Variants in NDST4 observed in about 807,000 individuals in gnomAD.
NDST4 encodes the protein N-heparan sulfate sulfotransferase 4.
In NDST4, 63 loss-of-function variants were observed where a neutral mutation model predicts 100.8. That is an observed-to-expected ratio of 0.62 (90% CI 0.51 to 0.77). NDST4 has a LOEUF of 0.77. Among genes scored for constraint, NDST4 ranks in the 30% least tolerant of loss-of-function variants. The pLI, the probability that NDST4 is intolerant of heterozygous loss-of-function variation, is 0.00. For missense variants in NDST4, 943 were observed against 1,018.4 expected (o/e 0.93, Z 1.01); for synonymous variants, 377 against 361.8 (o/e 1.04, Z -0.48).
intron 2 of NDST4, among the ~76,000 whole-genome samples, chr4:115,036,262 G>A (rs184748197): frequency 5.3e-5 from 8 of 151,344 alleles, no homozygotes; most frequent in Admixed American, 4.6e-4. Flanking sequence ...ATTTACATCA[G>A]TTTAAAAGAG....
At chr4:115,028,297 C>G (rs1482773922) in intron 2 of NDST4, among the ~76,000 whole-genome samples, 1 of 152,076 alleles carries the variant, frequency 6.6e-6, no homozygotes, top group Non-Finnish European at 1.5e-5. Flanking sequence ...ACAGGATAAA[C>G]ACTCTTAACA....
chr4:114,950,013 T>C (rs1725954862), intron 4 of NDST4, among the ~76,000 whole-genome samples: 1 of 152,020 alleles, frequency 6.6e-6, no homozygotes. Context: ...AGGAGAGCAA[T>C]AAATTATGAT....
At chr4:114,935,648 G>A (rs1725613082) in intron 5 of NDST4, among the ~76,000 whole-genome samples, 1 of 152,086 alleles carries the variant, frequency 6.6e-6, no homozygotes, top group Non-Finnish European at 1.5e-5. Context: ...ACCCAAAGAT[G>A]GAAATTCTCC....
At chr4:114,852,898 G>T in intron 7 of NDST4, 77 bp from the exon 8 acceptor site, 4 of 1,014,206 alleles carry the variant, frequency 3.9e-6, no homozygotes, top group Non-Finnish European at 4.4e-6. Context: ...TTCAAAAGAT[G>T]GAATCAAATT....
chr4:114,867,606 T>G (rs1357337498), intron 7 of NDST4, among the ~76,000 whole-genome samples: 1 of 142,396 alleles, frequency 7.0e-6, no homozygotes, highest in Admixed American at 7.4e-5. Context: ...ACCTTCTAAC[T>G]TCCTCCATAT....
chr4:115,069,798 G>A (rs1729032990), intron 2 of NDST4, among the ~76,000 whole-genome samples: 1 of 152,178 alleles, frequency 6.6e-6, no homozygotes, highest in African/African-American at 2.4e-5. Flanking sequence ...CAAGAGAATT[G>A]CTTGAACCTG....
intron 6 of NDST4, among the ~76,000 whole-genome samples, chr4:114,888,422 G>T (rs1724524210): frequency 6.6e-6 from 1 of 151,990 alleles, no homozygotes; most frequent in Admixed American, 6.6e-5. Context: ...TTATTTACCT[G>T]GTTACTGATG....
intron 1 of NDST4, among the ~76,000 whole-genome samples, chr4:115,107,237 A>C (rs189659349): frequency 2.0e-5 from 3 of 152,272 alleles, no homozygotes; most frequent in Admixed American, 1.3e-4. Flanking sequence ...CAGTAATTTG[A>C]GATAATTTAC....
intron 2 of NDST4, among the ~76,000 whole-genome samples, chr4:115,036,339 T>C (rs1043625473): frequency 6.0e-5 from 9 of 150,828 alleles, no homozygotes. Context: ...TTTACAGCTA[T>C]TAATATGGGG....
chr4:115,035,710 G>A (rs897522134), intron 2 of NDST4, among the ~76,000 whole-genome samples: 8 of 151,920 alleles, frequency 5.3e-5, no homozygotes, highest in African/African-American at 1.4e-4. Context: ...ATATGACTAC[G>A]AGTTGAAGAG....
chr4:115,113,315 ATAT>A (rs1349540018), intron 1 of NDST4, 126 bp downstream of exon 1: 2 of 151,894 alleles, frequency 1.3e-5, no homozygotes, highest in South Asian at 2.1e-4. Flanking sequence ...TGGTTTTAAG[ATAT>A]TATCTGCTTC....
chr4:115,063,441 G>C (rs1342086522), intron 2 of NDST4, among the ~76,000 whole-genome samples: 9 of 151,876 alleles, frequency 5.9e-5, no homozygotes, highest in Admixed American at 5.9e-4. Context: ...TTGTAAACTA[G>C]TTGCTATTTT....
In NDST4 at chr4:115,076,925, T is replaced by A; in HGVS notation, c.112A>T (p.Lys38Ter). The change falls in exon 2 of 14, where the codon AAA becomes TAA. Residue 38 changes from lysine (K) to a stop codon, truncating the protein, a stop_gained. Coordinates refer to ENST00000264363, the MANE Select transcript of NDST4 (RefSeq NM_022569.3). LOFTEE classifies it high-confidence loss of function. Reference sequence around the variant, plus strand: ...GTTTCAATAAGTGTCATTTCCTGTTTGTAGCCAGAGTAGAGAAAATAGGCA... The same window carrying A: ...GTTTCAATAAGTGTCATTTCCTGTTAGTAGCCAGAGTAGAGAAAATAGGCA... ...ISAYFLYSGY[K>*]QEMTLIETTA... 1 of 1,613,740 alleles carries A rather than the reference T, an allele frequency of 6.2e-7. No individual in the cohort carries two copies. Among genetic ancestry groups the A allele is most frequent in the Non-Finnish European group, 8.5e-7 (1 of 1,179,826 alleles).
intron 11 of NDST4, among the ~76,000 whole-genome samples, chr4:114,834,718 A>T (rs903213939): frequency 6.6e-6 from 1 of 152,158 alleles, no homozygotes. Context: ...CTCTGGTAGA[A>T]TTCGGCTGTG....
At chr4:114,874,675 G>T (rs1724221567) in intron 6 of NDST4, among the ~76,000 whole-genome samples, 1 of 152,082 alleles carries the variant, frequency 6.6e-6, no homozygotes, top group Admixed American at 6.6e-5. Flanking sequence ...CTGGGCAAAT[G>T]GCTTCTTTAA....
chr4:114,937,246 G>A (rs999873350), intron 5 of NDST4, 72 bp downstream of exon 5: 1 of 1,498,306 alleles, frequency 6.7e-7, no homozygotes, highest in East Asian at 2.3e-5. Flanking sequence ...ATCCTTAGAG[G>A]AAATGGCCCT....
chr4:115,027,865 C>G (rs1255677479), intron 2 of NDST4, among the ~76,000 whole-genome samples: 1 of 152,024 alleles, frequency 6.6e-6, no homozygotes, highest in East Asian at 1.9e-4. Flanking sequence ...ACCAGCCTGA[C>G]CAACATGGAA....
rs1729209592 is a variant in NDST4 at position 115,077,300 on chromosome 4, T to C, written c.-246-18A>G. 4.2e-6 allele frequency: 1 copy of C among 235,872 alleles called. No individual in the cohort carries two copies. Among genetic ancestry groups the C allele is most frequent in the Non-Finnish European group, 8.2e-6 (1 of 122,630 alleles). The allele number at this position is 235,872 out of a possible 1,614,324, so 14.6% of individuals were successfully genotyped here. Reference sequence around the variant, plus strand: ...AGCATAATCTGAAAGAGAGGAGAGATGTAATAACTAAGATAAAAATAGAAA... The same window carrying C: ...AGCATAATCTGAAAGAGAGGAGAGACGTAATAACTAAGATAAAAATAGAAA... On this transcript the variant is annotated intron_variant, in intron 1 of 13. Transcript: ENST00000264363.
intron 6 of NDST4, among the ~76,000 whole-genome samples, chr4:114,918,802 A>G (rs1013324811): frequency 6.6e-6 from 1 of 152,166 alleles, no homozygotes; most frequent in African/African-American, 2.4e-5. Flanking sequence ...GATTGAGAAC[A>G]TAGGGGAGCA....
Sources: gnomAD v4.1 joint callset for allele counts (sites outside exome capture counted in the v4.1 genomes callset) on GRCh38, gnomAD v4.1.1 for gene constraint, MANE v1.5 for transcripts, NCBI Gene and HGNC (gene_info 2026-07-23, HGNC 2026-07-21) for gene names.